Variants in CSNK1G1 observed in about 807,000 individuals in gnomAD.
CSNK1G1 encodes casein kinase I isoform gamma-1.
Under a neutral mutation model 59.6 loss-of-function variants are expected in CSNK1G1, and 22 were observed. That is an observed-to-expected ratio of 0.37 (90% CI 0.26 to 0.53). The LOEUF is 0.53. CSNK1G1 is among the 20% of genes least tolerant of loss of function. The pLI is 0.89. For missense variants in CSNK1G1, 384 were observed against 519.5 expected, an observed-to-expected ratio of 0.74 and a Z score of 2.54; for synonymous variants, 179 against 177.1, an observed-to-expected ratio of 1.01 and a Z score of -0.08.
chr15:64,306,557 A>C (rs1441747965), intron 1 of CSNK1G1, among the ~76,000 whole-genome samples: 2 of 152,202 alleles, frequency 1.3e-5, no homozygotes, highest in African/African-American at 2.4e-5. Context: ...TGGTACGGCT[A>C]TTTTGGAAGA....
chr15:64,268,987 T>C (rs1893132023), intron 2 of CSNK1G1, among the ~76,000 whole-genome samples: 1 of 139,080 alleles, frequency 7.2e-6, no homozygotes, highest in African/African-American at 2.5e-5. Flanking sequence ...TAGGATATTC[T>C]CCTTACCATT....
chr15:64,283,854 G>GT (rs1343079681), intron 2 of CSNK1G1, among the ~76,000 whole-genome samples: 5 of 152,036 alleles, frequency 3.3e-5, no homozygotes, highest in Non-Finnish European at 7.4e-5. Flanking sequence ...CAATTTATCT[G>GT]TTTTTTTCTT....
chr15:64,186,325 C>A (rs746907711), intron 10 of CSNK1G1, among the ~76,000 whole-genome samples: 1 of 152,096 alleles, frequency 6.6e-6, no homozygotes. Flanking sequence ...AGTGGCCAGG[C>A]TGGTCTTGAA....
Position 64,356,173 on chromosome 15 carries a change from T to C in CSNK1G1, c.-410A>G, listed in dbSNP as rs1302827796. The C allele has an allele frequency of 6.6e-6, 1 of 151,840 alleles. No homozygotes were observed. The highest frequency in any genetic ancestry group is 6.6e-5 in the Admixed American group (1 of 15,260). 9.4% of individuals were successfully genotyped at this position (151,840 alleles called of 1,614,324 possible). On this transcript the variant is annotated 5_prime_UTR_variant, in exon 1 of 12. Transcript: ENST00000303052. Reference sequence around the variant, plus strand: ...GCGGCTGGAGCCGAACCGGAACCACTAGCGCGGCCCCGCCCTCGTCCCGGA... The same window carrying C: ...GCGGCTGGAGCCGAACCGGAACCACCAGCGCGGCCCCGCCCTCGTCCCGGA...
intron 10 of CSNK1G1, among the ~76,000 whole-genome samples, chr15:64,186,467 A>G (rs1331449938): frequency 9.2e-5 from 14 of 152,190 alleles, no homozygotes. Flanking sequence ...GCTTCACAAG[A>G]AAGTGTGCCT....
At chr15:64,337,212 A>C (rs985902695) in intron 1 of CSNK1G1, among the ~76,000 whole-genome samples, 1 of 152,214 alleles carries the variant, frequency 6.6e-6, no homozygotes, top group Non-Finnish European at 1.5e-5. Flanking sequence ...TGGGCAACAG[A>C]GCGAGACTCC....
chr15:64,277,891 TATATTG>T (rs1236070699), intron 2 of CSNK1G1, among the ~76,000 whole-genome samples: 6 of 138,260 alleles, frequency 4.3e-5, no homozygotes, highest in African/African-American at 1.7e-4. Flanking sequence ...ATATATTTAA[TATATTG>T]ATATTGATAT....
intron 2 of CSNK1G1, among the ~76,000 whole-genome samples, chr15:64,282,014 T>G (rs1424007125): frequency 6.6e-6 from 1 of 151,606 alleles, no homozygotes; most frequent in Non-Finnish European, 1.5e-5. Context: ...CTCAACCTCC[T>G]GAGCTCAAGC....
At chr15:64,232,265 A>T (rs573529043) in intron 4 of CSNK1G1, among the ~76,000 whole-genome samples, 1 of 152,314 alleles carries the variant, frequency 6.6e-6, no homozygotes, top group South Asian at 2.1e-4. Flanking sequence ...AATGTTAAAA[A>T]TTGATCTTTT....
chr15:64,297,338 C>G (rs1895079809), intron 2 of CSNK1G1, among the ~76,000 whole-genome samples: 1 of 151,894 alleles, frequency 6.6e-6, no homozygotes, highest in Admixed American at 6.6e-5. Flanking sequence ...GGATGAGAAA[C>G]AACCCACTAC....
At chr15:64,181,201 T>C in intron 10 of CSNK1G1, 1 of 1,528,074 alleles carries the variant, frequency 6.5e-7, no homozygotes, top group Non-Finnish European at 8.7e-7. Context: ...CGATCTTTAT[T>C]TCAGGTTCAC....
intron 1 of CSNK1G1, among the ~76,000 whole-genome samples, chr15:64,339,937 G>C (rs1194211361): frequency 6.6e-6 from 1 of 152,080 alleles, no homozygotes; most frequent in East Asian, 1.9e-4. Context: ...GAACCACTAA[G>C]TTGCATCCAT....
At chr15:64,183,892 C>G (rs886868367) in intron 10 of CSNK1G1, among the ~76,000 whole-genome samples, 2 of 151,982 alleles carry the variant, frequency 1.3e-5, no homozygotes, top group South Asian at 4.1e-4. Flanking sequence ...TGCACCACCA[C>G]ATCTGGCTAA....
At chr15:64,320,968 CTGTT>C (rs1235469169) in intron 1 of CSNK1G1, among the ~76,000 whole-genome samples, 1 of 151,592 alleles carries the variant, frequency 6.6e-6, no homozygotes, top group African/African-American at 2.4e-5. Context: ...GGAAAATATC[CTGTT>C]TAAGATTAAA....
At chr15:64,271,126 T>C (rs1054314131) in intron 2 of CSNK1G1, among the ~76,000 whole-genome samples, 3 of 151,980 alleles carry the variant, frequency 2.0e-5, no homozygotes, top group African/African-American at 4.8e-5. Flanking sequence ...TAGCTGGGAC[T>C]ACAGGCATGT....
intron 2 of CSNK1G1, among the ~76,000 whole-genome samples, chr15:64,261,997 A>G (rs978892777): frequency 6.6e-6 from 1 of 151,936 alleles, no homozygotes. Flanking sequence ...TACTTCCTGT[A>G]TAATTGCAGA....
chr15:64,323,571 G>C (rs1281981379), intron 1 of CSNK1G1, among the ~76,000 whole-genome samples: 1 of 151,450 alleles, frequency 6.6e-6, no homozygotes, highest in Non-Finnish European at 1.5e-5. Flanking sequence ...CTCCATGTTG[G>C]TCAGGCTGGT....
intron 10 of CSNK1G1, among the ~76,000 whole-genome samples, chr15:64,192,243 A>G (rs2081981476): frequency 6.6e-6 from 1 of 152,192 alleles, no homozygotes; most frequent in Non-Finnish European, 1.5e-5. Flanking sequence ...AGCAAAGTCA[A>G]TTTCTCTGCA....
chr15:64,219,207 T>A (rs2082353668), intron 4 of CSNK1G1, among the ~76,000 whole-genome samples: 1 of 152,106 alleles, frequency 6.6e-6, no homozygotes. Context: ...TTCAGCTTTT[T>A]AAAAATATAT....
Sources: allele counts gnomAD v4.1 joint callset (sites outside exome capture counted in the v4.1 genomes callset), GRCh38; gene constraint gnomAD v4.1.1; transcripts MANE v1.5; gene names NCBI Gene and HGNC (gene_info 2026-07-23, HGNC 2026-07-21).